CACNA2D3: variants seen among roughly 807,000 people sequenced by gnomAD.
The protein encoded by CACNA2D3 is voltage-dependent calcium channel subunit alpha-2/delta-3.
CACNA2D3 carries 60 observed loss-of-function variants against 160.6 expected under a neutral mutation model. The ratio of observed to expected loss-of-function variants is 0.37; its 90% CI spans 0.30 to 0.46. CACNA2D3 has a LOEUF of 0.46. CACNA2D3 is among the 20% of genes least tolerant of loss of function. The pLI is 1.00. For synonymous variants in CACNA2D3, 558 were observed against 492.9 expected (o/e 1.13, Z -1.75); for missense variants, 1,205 against 1,365.0 (o/e 0.88, Z 1.85).
intron 11 of CACNA2D3, among the ~76,000 whole-genome samples, chr3:54,695,699 T>A (rs751298064): frequency 1.3e-4 from 20 of 152,220 alleles, no homozygotes; most frequent in Non-Finnish European, 2.6e-4. Context: ...GATTTTATAG[T>A]CATTCATATT....
At chr3:54,284,678 C>T (rs955618208) in intron 2 of CACNA2D3, among the ~76,000 whole-genome samples, 1 of 152,160 alleles carries the variant, frequency 6.6e-6, no homozygotes, top group Middle Eastern at 3.2e-3. Context: ...GAATAGAGCT[C>T]CTTCGGTACC....
intron 27 of CACNA2D3, among the ~76,000 whole-genome samples, chr3:54,905,260 G>A (rs1317333829): frequency 6.6e-6 from 1 of 152,220 alleles, no homozygotes; most frequent in South Asian, 2.1e-4. Context: ...ACTCAGGGCA[G>A]TGTAATGAAG....
chr3:55,062,605 T>C (rs1056485454), intron 35 of CACNA2D3, among the ~76,000 whole-genome samples: 27 of 152,216 alleles, frequency 1.8e-4, no homozygotes, highest in African/African-American at 6.3e-4. Flanking sequence ...GCCTACTCAC[T>C]ATACTGTATT....
chr3:54,796,852 G>T (rs1259531439), intron 13 of CACNA2D3, among the ~76,000 whole-genome samples: 1 of 152,140 alleles, frequency 6.6e-6, no homozygotes, highest in African/African-American at 2.4e-5. Context: ...GGACAAAATT[G>T]AACCTTTCAG....
chr3:54,443,539 C>T (rs569527850), intron 4 of CACNA2D3, among the ~76,000 whole-genome samples: 45 of 152,264 alleles, frequency 3.0e-4, no homozygotes, highest in Admixed American at 2.6e-4. Flanking sequence ...GGCAGGGGGA[C>T]AGGGCCTCCT....
intron 11 of CACNA2D3, among the ~76,000 whole-genome samples, chr3:54,719,893 G>A (rs948221676): frequency 6.6e-5 from 10 of 151,908 alleles, no homozygotes; most frequent in African/African-American, 1.9e-4. Context: ...TTTGAGGAAT[G>A]TGTCCATTTC....
At chr3:54,504,297 A>G (rs1484970181) in intron 5 of CACNA2D3, among the ~76,000 whole-genome samples, 1 of 152,116 alleles carries the variant, frequency 6.6e-6, no homozygotes, top group African/African-American at 2.4e-5. Flanking sequence ...CCATCTGCCA[A>G]TTCCAGTTGG....
chr3:54,479,822 G>T (rs530991967), intron 4 of CACNA2D3, among the ~76,000 whole-genome samples: 1 of 152,310 alleles, frequency 6.6e-6, no homozygotes, highest in East Asian at 1.9e-4. Context: ...TTATAGTAAA[G>T]CATGCTCAGT....
chr3:55,006,173 G>T (rs1703088959), intron 32 of CACNA2D3, among the ~76,000 whole-genome samples: 1 of 152,198 alleles, frequency 6.6e-6, no homozygotes, highest in South Asian at 2.1e-4. Flanking sequence ...TTCACCATTA[G>T]ATTTAAAAGC....
At chr3:54,148,113 T>C (rs1375571100) in intron 2 of CACNA2D3, among the ~76,000 whole-genome samples, 1 of 152,234 alleles carries the variant, frequency 6.6e-6, no homozygotes, top group Non-Finnish European at 1.5e-5. Context: ...AAGGTTTTTA[T>C]GCCACTGGCT....
intron 3 of CACNA2D3, among the ~76,000 whole-genome samples, chr3:54,373,575 G>A (rs1431155401): frequency 6.6e-6 from 1 of 152,194 alleles, no homozygotes; most frequent in African/African-American, 2.4e-5. Flanking sequence ...ATGCACTGTA[G>A]GCTGTGTGGT....
At chr3:54,163,014 T>C (rs769035676) in intron 2 of CACNA2D3, among the ~76,000 whole-genome samples, 4 of 152,122 alleles carry the variant, frequency 2.6e-5, no homozygotes, top group Non-Finnish European at 4.4e-5. Context: ...GAAAAACAAG[T>C]GCAAGGTCCA....
chr3:54,757,101 C>T (rs1701985829), intron 12 of CACNA2D3, among the ~76,000 whole-genome samples: 1 of 152,194 alleles, frequency 6.6e-6, no homozygotes, highest in Non-Finnish European at 1.5e-5. Context: ...CTAGCCCAGA[C>T]ATTTCACAAA....
rs138825273 is a variant in CACNA2D3 at position 54,937,401 on chromosome 3, G to A, written c.2450-31049G>A. Among the ~76,000 whole-genome samples, 408 of 152,276 alleles carry A rather than the reference G, an allele frequency of 2.7e-3. 1 individual carries two copies. The highest frequency in any genetic ancestry group is 9.3e-3 in the African/African-American group (388 of 41,562). ...TGAGGGGGATTGGTTCCAGCAATCT[G>A]TGCTTGCACCAGTCCTGCAACTGGC... is the stretch of plus-strand genomic sequence containing the variant. On this transcript the variant is annotated intron_variant, in intron 27 of 37. Coordinates refer to ENST00000474759, the MANE Select transcript of CACNA2D3 (RefSeq NM_018398.3).
intron 10 of CACNA2D3, chr3:54,632,650 G>A (rs1382371831): frequency 6.6e-6 from 1 of 152,204 alleles, no homozygotes; most frequent in Non-Finnish European, 1.5e-5. Flanking sequence ...GGAGATGAGG[G>A]AGGGGGCTTG....
intron 4 of CACNA2D3, among the ~76,000 whole-genome samples, chr3:54,439,052 A>T (rs895126348): frequency 1.3e-5 from 2 of 152,134 alleles, no homozygotes; most frequent in African/African-American, 4.8e-5. Flanking sequence ...TCCACCTGCC[A>T]TTTTGAGAAA....
chr3:54,432,612 C>T (rs1336933486), intron 4 of CACNA2D3, among the ~76,000 whole-genome samples: 3 of 152,126 alleles, frequency 2.0e-5, no homozygotes, highest in African/African-American at 7.2e-5. Flanking sequence ...CCCACCCAGG[C>T]TTGGTTAGGA....
chr3:54,818,074 T>C (rs1347562741), intron 14 of CACNA2D3, among the ~76,000 whole-genome samples: 3 of 152,226 alleles, frequency 2.0e-5, no homozygotes, highest in Non-Finnish European at 4.4e-5. Context: ...TGCCTAAAAA[T>C]GGACCAGCTT....
chr3:55,044,963 A>G (rs1704044360), intron 35 of CACNA2D3, among the ~76,000 whole-genome samples: 1 of 152,076 alleles, frequency 6.6e-6, no homozygotes, highest in Non-Finnish European at 1.5e-5. Flanking sequence ...GTCATGATAT[A>G]TTGTTCTATT....
Sources: gnomAD v4.1 joint callset for allele counts (sites outside exome capture counted in the v4.1 genomes callset) on GRCh38, gnomAD v4.1.1 for gene constraint, MANE v1.5 for transcripts, NCBI Gene and HGNC (gene_info 2026-07-23, HGNC 2026-07-21) for gene names.